The following DNAH5 variants were observed in gnomAD, a reference collection of about 807,000 sequenced individuals.
The protein encoded by DNAH5 is dynein axonemal heavy chain 5.
A neutral mutation model predicts 518.2 loss-of-function variants in DNAH5; 372 were observed. The observed-to-expected ratio is 0.72, with a 90% confidence interval of 0.66 to 0.78. The LOEUF (loss-of-function observed/expected upper bound fraction) is 0.78. Ranked by LOEUF, DNAH5 falls within the 30% of genes least tolerant of loss-of-function variation. DNAH5 has a pLI of 0.00. For synonymous variants in DNAH5, 2,039 were observed against 2,025.9 expected, an observed-to-expected ratio of 1.01 and a Z score of -0.17; for missense variants, 5,523 against 5,687.0, an observed-to-expected ratio of 0.97 and a Z score of 0.93.
At chr5:13,830,464 A>G (rs745702893) in intron 36 of DNAH5, 133 bp downstream of exon 36, 9 of 1,106,704 alleles carry the variant, frequency 8.1e-6, no homozygotes, top group Non-Finnish European at 1.2e-5. Context: ...ACCTGGCAAG[A>G]TTGAAGATTT....
chr5:13,768,408 T>A (rs895697988), intron 58 of DNAH5, among the ~76,000 whole-genome samples: 1 of 152,334 alleles, frequency 6.6e-6, no homozygotes, highest in Admixed American at 6.5e-5. Flanking sequence ...CTGAGTCAAT[T>A]AAACGTCTTT....
intron 66 of DNAH5, among the ~76,000 whole-genome samples, chr5:13,736,532 T>A (rs1436327267): frequency 2.0e-5 from 3 of 151,952 alleles, no homozygotes; most frequent in Non-Finnish European, 4.4e-5. Context: ...GTAGCTGGGA[T>A]TACAGGCGCC....
chr5:13,942,161 C>T (rs1444362626), intron 1 of DNAH5, among the ~76,000 whole-genome samples: 2 of 152,140 alleles, frequency 1.3e-5, no homozygotes, highest in East Asian at 1.9e-4. Context: ...ATGAAAATAA[C>T]GTGTGTTTAT....
chr5:14,011,098 T>C (rs539526592), intron 1 of DNAH5, among the ~76,000 whole-genome samples: 1 of 151,560 alleles, frequency 6.6e-6, no homozygotes, highest in Non-Finnish European at 1.5e-5. Context: ...CCGAGGCAAA[T>C]GTAAGAGACA....
intron 15 of DNAH5, chr5:13,899,761 A>G (rs1281955148): frequency 5.1e-6 from 1 of 196,664 alleles, no homozygotes; most frequent in Non-Finnish European, 1.0e-5. Flanking sequence ...TTCTCTTATA[A>G]CCTGACTGTT....
At chr5:13,914,475 T>C (rs771893961) in intron 10 of DNAH5, 45 bp downstream of exon 10, 14 of 1,596,336 alleles carry the variant, frequency 8.8e-6, no homozygotes, top group Non-Finnish European at 1.0e-5. Context: ...TCAACAAAAA[T>C]AAGATAAAAA....
chr5:13,991,018 C>T (rs1376848041), intron 1 of DNAH5, among the ~76,000 whole-genome samples: 7 of 152,112 alleles, frequency 4.6e-5, no homozygotes, highest in Non-Finnish European at 8.8e-5. Flanking sequence ...ATCCCTCCTG[C>T]GGGCTGCTTC....
chr5:13,781,558 T>C (rs2126841359), intron 52 of DNAH5, among the ~76,000 whole-genome samples: 1 of 56,668 alleles, frequency 1.8e-5, no homozygotes, highest in East Asian at 5.0e-4. Context: ...GGTGGCGGCT[T>C]CCCCACAGTG....
At chr5:13,877,863 G>A (rs1016299785) in intron 21 of DNAH5, among the ~76,000 whole-genome samples, 8 of 152,154 alleles carry the variant, frequency 5.3e-5, no homozygotes, top group African/African-American at 7.2e-5. Context: ...AGAAAAAAGT[G>A]ATGGCTTTAC....
chr5:13,834,468 C>T (rs1018938746), intron 35 of DNAH5, among the ~76,000 whole-genome samples: 4 of 152,190 alleles, frequency 2.6e-5, no homozygotes, highest in Non-Finnish European at 5.9e-5. Flanking sequence ...CATTAAGATG[C>T]AATTTTGGAA....
chr5:13,898,518 A>C (rs1056948219), intron 15 of DNAH5: 1 of 398,452 alleles, frequency 2.5e-6, no homozygotes, highest in Non-Finnish European at 4.4e-6. Flanking sequence ...ATATGACATG[A>C]AGTGGTGGGA....
chr5:13,713,798 T>G (rs1019538799), intron 75 of DNAH5, among the ~76,000 whole-genome samples: 1 of 151,822 alleles, frequency 6.6e-6, no homozygotes, highest in Non-Finnish European at 1.5e-5. Context: ...AAGAACTTAC[T>G]CATGTAACCA....
At chr5:13,807,864 A>T (rs544800860) in intron 46 of DNAH5, 139 bp from the exon 47 acceptor site, 32 of 761,498 alleles carry the variant, frequency 4.2e-5, no homozygotes. Flanking sequence ...TAAGGTCTTT[A>T]AAGAGGTGAC....
chr5:13,803,246 T>G (rs1759061190), intron 47 of DNAH5, among the ~76,000 whole-genome samples: 1 of 152,220 alleles, frequency 6.6e-6, no homozygotes, highest in Non-Finnish European at 1.5e-5. Flanking sequence ...TGCTCTTTAT[T>G]AAGAAATCTA....
At chr5:13,757,916 C>T (rs768150431) in intron 61 of DNAH5, among the ~76,000 whole-genome samples, 11 of 151,934 alleles carry the variant, frequency 7.2e-5, no homozygotes, top group Non-Finnish European at 1.6e-4. Flanking sequence ...AATTTCAATT[C>T]GGCCAAGTAA....
intron 51 of DNAH5, 149 bp from the exon 52 acceptor site, chr5:13,786,500 AGAC>A (rs1381976195): frequency 5.2e-6 from 4 of 767,444 alleles, no homozygotes; most frequent in African/African-American, 1.7e-5. Context: ...CAAAAACAGA[AGAC>A]AACAATAGAA....
At chr5:13,971,840 T>C (rs1781895579) in intron 1 of DNAH5, among the ~76,000 whole-genome samples, 1 of 152,098 alleles carries the variant, frequency 6.6e-6, no homozygotes, top group Non-Finnish European at 1.5e-5. Flanking sequence ...CACCTGGATA[T>C]GTATTAGGAT....
At chr5:13,857,628 G>A (rs768604995) in intron 30 of DNAH5, among the ~76,000 whole-genome samples, 3 of 152,236 alleles carry the variant, frequency 2.0e-5, no homozygotes, top group South Asian at 2.1e-4. Flanking sequence ...CAAGGCTACC[G>A]TAACCAAAAC....
At chr5:13,974,047 G>A (rs1048586940) in intron 1 of DNAH5, among the ~76,000 whole-genome samples, 3 of 151,650 alleles carry the variant, frequency 2.0e-5, no homozygotes, top group Non-Finnish European at 4.4e-5. Context: ...CACTTAGTTT[G>A]CTATGCACAG....
Sources: gnomAD v4.1 joint callset for allele counts (sites outside exome capture counted in the v4.1 genomes callset) on GRCh38, gnomAD v4.1.1 for gene constraint, MANE v1.5 for transcripts, NCBI Gene and HGNC (gene_info 2026-07-23, HGNC 2026-07-21) for gene names.